TGFBR2: variants seen among roughly 807,000 people sequenced by gnomAD.
TGFBR2 encodes transforming growth factor beta receptor 2, also known as TGF-beta receptor type-2.
Under a neutral mutation model 49.0 loss-of-function variants are expected in TGFBR2, and 18 were observed. The observed-to-expected ratio is 0.37, with a 90% CI of 0.25 to 0.54. The LOEUF (loss-of-function observed/expected upper bound fraction) is 0.54. Ranked by LOEUF, TGFBR2 falls within the 20% of genes least tolerant of loss-of-function variation. The pLI, the probability that TGFBR2 is intolerant of heterozygous loss-of-function variation, is 0.85. For missense variants in TGFBR2, 525 were observed against 722.6 expected, an observed-to-expected ratio of 0.73 and a Z score of 3.13; for synonymous variants, 282 against 275.9, an observed-to-expected ratio of 1.02 and a Z score of -0.22.
chr3:30,613,981 A>C (rs1698082631), intron 1 of TGFBR2, among the ~76,000 whole-genome samples: 1 of 152,160 alleles, frequency 6.6e-6, no homozygotes, highest in African/African-American at 2.4e-5. Context: ...TTTTCCCTGG[A>C]ATAGACAACA....
At chr3:30,683,828 C>A in intron 5 of TGFBR2, among the ~76,000 whole-genome samples, 1 of 152,188 alleles carries the variant, frequency 6.6e-6, no homozygotes, top group East Asian at 1.9e-4. Context: ...TGCCAATCAC[C>A]AGCTCTGTCC....
chr3:30,658,467 C>A (rs893624825), intron 3 of TGFBR2, among the ~76,000 whole-genome samples: 1 of 152,106 alleles, frequency 6.6e-6, no homozygotes, highest in African/African-American at 2.4e-5. Flanking sequence ...ATCTTGCTAG[C>A]TTAGAAACCA....
intron 1 of TGFBR2, among the ~76,000 whole-genome samples, chr3:30,630,961 A>G (rs1474815162): frequency 3.3e-5 from 5 of 151,606 alleles, no homozygotes; most frequent in African/African-American, 9.7e-5. Flanking sequence ...ACCCAGTCTC[A>G]CATATTTTGT....
chr3:30,687,700 C>G (rs537638939), intron 5 of TGFBR2, among the ~76,000 whole-genome samples: 1 of 152,302 alleles, frequency 6.6e-6, no homozygotes, highest in South Asian at 2.1e-4. Flanking sequence ...GAAATTTGCT[C>G]AACTGAAATT....
intron 1 of TGFBR2, among the ~76,000 whole-genome samples, chr3:30,643,228 G>A (rs1266107414): frequency 1.3e-5 from 2 of 152,180 alleles, no homozygotes; most frequent in Admixed American, 1.3e-4. Flanking sequence ...CTCTCTAAGG[G>A]TTATGCCTTG....
chr3:30,678,557 A>AT (rs1467748883), intron 5 of TGFBR2, among the ~76,000 whole-genome samples: 1 of 151,516 alleles, frequency 6.6e-6, no homozygotes, highest in Non-Finnish European at 1.5e-5. Flanking sequence ...AAAAAAAAAA[A>AT]AAAAAAAAAA....
At chr3:30,617,284 G>A (rs1698150054) in intron 1 of TGFBR2, among the ~76,000 whole-genome samples, 2 of 152,090 alleles carry the variant, frequency 1.3e-5, no homozygotes, top group African/African-American at 2.4e-5. Flanking sequence ...ACTTGTTAGC[G>A]TAGACTAGGA....
Position 30,676,289 on chromosome 3 carries a change from A to G in TGFBR2, c.1396+2043A>G. 6.6e-6 allele frequency among the ~76,000 whole-genome samples: 1 copy of G among 152,166 alleles called. No individual in the cohort carries two copies. Among genetic ancestry groups the G allele is most frequent in the Admixed American group, 6.5e-5 (1 of 15,272 alleles). ...CTTTGACCTGTTTCTAAAGATACTA[A>G]ATACCTGTTTAGCAAAGGTACTAGA... On this transcript the variant is annotated intron_variant, in intron 5 of 6. Transcript: ENST00000295754. This position sits in a 1 kb window ranked among gnomAD's most constrained non-coding sequence, Gnocchi z 4.3.
chr3:30,686,726 T>C (rs1699629689), intron 5 of TGFBR2, among the ~76,000 whole-genome samples: 1 of 152,222 alleles, frequency 6.6e-6, no homozygotes, highest in South Asian at 2.1e-4. Context: ...TGGAGAACAG[T>C]GTTGAATCCA....
Position 30,656,567 on chromosome 3 carries a change from G to C in TGFBR2, c.454+6107G>C, listed in dbSNP as rs17026046. On this transcript the variant is annotated intron_variant, in intron 3 of 6. Transcript: ENST00000295754. Reference sequence around the variant, plus strand: ...AGTTGGCCTGAATCAGTTCATTCTTGGGTTGTTTGCTAAGATTGTCTGCTG... The same window carrying C: ...AGTTGGCCTGAATCAGTTCATTCTTCGGTTGTTTGCTAAGATTGTCTGCTG... Among the ~76,000 whole-genome samples, 509 of 152,224 alleles carry C rather than the reference G, an allele frequency of 3.3e-3. 4 individuals are homozygous for C. Among genetic ancestry groups the C allele is most frequent in the African/African-American group, 0.012 (483 of 41,522 alleles).
In TGFBR2 at chr3:30,676,380, A is replaced by G. The variant is rs1699437909; in HGVS notation, c.1396+2134A>G. On this transcript the variant is annotated intron_variant, in intron 5 of 6. Coordinates refer to ENST00000295754, the MANE Select transcript of TGFBR2 (RefSeq NM_003242.6). The surrounding 1 kb of genome is among the most constrained non-coding windows in gnomAD (Gnocchi z 4.3). The stretch of plus-strand genomic sequence containing the variant: ...TGACTAATTCCTGCCTATAACAATT[A>G]TTACTATAATGTTTACTTAAGGAAG... Among the ~76,000 whole-genome samples the G allele has an allele frequency of 6.6e-6, 1 of 152,206 alleles. No homozygotes were observed. Among genetic ancestry groups the G allele is most frequent in the Non-Finnish European group, 1.5e-5 (1 of 68,034 alleles).
chr3:30,614,115 C>CTTTTTTTTT (rs5847643), intron 1 of TGFBR2, among the ~76,000 whole-genome samples: 1 of 120,616 alleles, frequency 8.3e-6, no homozygotes, highest in Non-Finnish European at 1.7e-5. Flanking sequence ...TTTTTCTTTC[C>CTTTTTTTTT]TTTTTTTTTT....
At chr3:30,630,193 C>T (rs932569669) in intron 1 of TGFBR2, among the ~76,000 whole-genome samples, 9 of 152,102 alleles carry the variant, frequency 5.9e-5, no homozygotes, top group Admixed American at 2.6e-4. Context: ...TCTGGCCATA[C>T]GATTTTACAC....
chr3:30,621,084 A>G (rs964451236), intron 1 of TGFBR2, among the ~76,000 whole-genome samples: 1 of 152,036 alleles, frequency 6.6e-6, no homozygotes, highest in Non-Finnish European at 1.5e-5. Flanking sequence ...TACCACAAGT[A>G]GTGTTCTCTT....
At chr3:30,632,345 A>AAAT (rs1414804208) in intron 1 of TGFBR2, among the ~76,000 whole-genome samples, 1 of 152,186 alleles carries the variant, frequency 6.6e-6, no homozygotes, top group African/African-American at 2.4e-5. Context: ...TGAAAATTGA[A>AAAT]CTGGATTCTC....
intron 3 of TGFBR2, among the ~76,000 whole-genome samples, chr3:30,652,188 C>T (rs1361819939): frequency 2.0e-5 from 3 of 151,388 alleles, no homozygotes; most frequent in Non-Finnish European, 4.4e-5. Context: ...TGTTCTCATC[C>T]TCATCCTGTA....
rs1286155859 is a variant in TGFBR2, at chr3:30,691,688, C to T, written c.*89C>T. On this transcript the variant is annotated 3_prime_UTR_variant, in exon 7 of 7. Coordinates refer to ENST00000295754, the MANE Select transcript of TGFBR2 (RefSeq NM_003242.6). The stretch of plus-strand genomic sequence containing the variant: ...GCAGGAAGCTGCCCCTGAACTGATG[C>T]TTCCTGGAAAACCAAGGGGGTCACT... 2.0e-6 allele frequency: 3 copies of T among 1,529,510 alleles called. No homozygotes were observed. The highest frequency in any genetic ancestry group is 2.7e-6 in the Non-Finnish European group (3 of 1,106,186). The allele number at this position is 1,529,510 out of a possible 1,614,324, so 94.7% of individuals were successfully genotyped here.
At chr3:30,607,617 C>T (rs1397418446) in intron 1 of TGFBR2, among the ~76,000 whole-genome samples, 1 of 151,812 alleles carries the variant, frequency 6.6e-6, no homozygotes, top group Non-Finnish European at 1.5e-5. Context: ...GAATCCCTCA[C>T]TGAATGCCTA....
In TGFBR2 at chr3:30,688,424, GGAGCACCCCTGTGTC is replaced by G; in HGVS notation, c.1440_1454del (p.His481_Glu485del). 1 of 1,614,192 alleles carries G rather than the reference GGAGCACCCCTGTGTC, an allele frequency of 6.2e-7. No individual in the cohort carries two copies. Among genetic ancestry groups the G allele is most frequent in the Non-Finnish European group, 8.5e-7 (1 of 1,180,006 alleles). ...AGCCTCCATTTGGTTCCAAGGTGCG[GGAGCACCCCTGTGTC>G]GAAAGCATGAAGGACAACGTGTTGA... On this transcript the variant is annotated inframe_deletion, in exon 6 of 7. Coordinates refer to ENST00000295754, the MANE Select transcript of TGFBR2 (RefSeq NM_003242.6).
Sources: allele counts gnomAD v4.1 joint callset (sites outside exome capture counted in the v4.1 genomes callset), GRCh38; gene constraint gnomAD v4.1.1; non-coding constraint Gnocchi (gnomAD v3.1); transcripts MANE v1.5; gene names NCBI Gene and HGNC (gene_info 2026-07-23, HGNC 2026-07-21).